The following TDRD5 variants were observed in gnomAD, a reference collection of about 807,000 sequenced individuals.
TDRD5 encodes the protein tudor domain-containing protein 5.
Under a neutral mutation model 120.6 loss-of-function variants are expected in TDRD5, and 41 were observed. The observed-to-expected ratio is 0.34, with a 90% CI of 0.26 to 0.44. The LOEUF (loss-of-function observed/expected upper bound fraction) is 0.44, where lower values mean the gene tolerates loss of function less well. TDRD5 is among the 20% of genes least tolerant of loss of function. The probability of loss-of-function intolerance (pLI) is 1.00; values close to 1 mark genes in which losing one functional copy is unlikely to be tolerated. For synonymous variants in TDRD5, 430 were observed against 433.7 expected (o/e 0.99, Z 0.11); for missense variants, 1,006 against 1,221.2 (o/e 0.82, Z 2.63).
rs1457207248 is a variant in TDRD5, at chr1:179,690,911, T to C, written c.3076T>C (p.Trp1026Arg). The C allele has an allele frequency of 2.4e-5, 39 of 1,613,228 alleles. No homozygotes were observed. The highest frequency in any genetic ancestry group is 3.1e-5 in the Non-Finnish European group (37 of 1,179,792). ...AGCTACATCCAGGAGCCTCCTACAC[T>C]GGTACCCCAGTGTGAAAAGGATGGA... The part of the protein sequence containing the change: ...RLATSRSLLH[W>R]YPSVKRMEA The change falls in exon 18 of 18, where the codon TGG (tryptophan) becomes CGG (arginine). Residue 1026 changes from tryptophan (W) to arginine (R), a missense_variant. Coordinates refer to ENST00000444136, the MANE Select transcript of TDRD5 (RefSeq NM_001199085.3).
chr1:179,676,195 T>C (rs1680137869), intron 17 of TDRD5, among the ~76,000 whole-genome samples: 2 of 152,232 alleles, frequency 1.3e-5, no homozygotes, highest in Admixed American at 6.5e-5. Flanking sequence ...GGTGTTCATT[T>C]GCATGGAATA....
intron 15 of TDRD5, among the ~76,000 whole-genome samples, chr1:179,662,839 A>G (rs1679384873): frequency 6.6e-6 from 1 of 152,168 alleles, no homozygotes; most frequent in Admixed American, 6.5e-5. Flanking sequence ...TTTTTGTTTT[A>G]TCATTGGCCC....
At chr1:179,686,596 G>C (rs760358842) in intron 17 of TDRD5, among the ~76,000 whole-genome samples, 3 of 152,182 alleles carry the variant, frequency 2.0e-5, no homozygotes, top group Non-Finnish European at 4.4e-5. Flanking sequence ...TCTATTGATT[G>C]AAATAGTTTC....
chr1:179,598,266 A>G (rs544270499), intron 4 of TDRD5, among the ~76,000 whole-genome samples: 6 of 152,358 alleles, frequency 3.9e-5, no homozygotes, highest in African/African-American at 1.4e-4. Flanking sequence ...GTTGACCATA[A>G]GTCATAATGC....
chr1:179,604,296 T>C (rs115761136), intron 4 of TDRD5, among the ~76,000 whole-genome samples: 1,579 of 152,258 alleles, frequency 0.01, 35 homozygotes, highest in African/African-American at 0.036. Context: ...TCTAATGGTC[T>C]ATTAATTTTA....
chr1:179,646,384 G>T (rs1216665122), intron 11 of TDRD5, among the ~76,000 whole-genome samples: 1 of 152,014 alleles, frequency 6.6e-6, no homozygotes, highest in African/African-American at 2.4e-5. Flanking sequence ...TGCAGAAAAG[G>T]CCTTTGACAA....
intron 6 of TDRD5, among the ~76,000 whole-genome samples, chr1:179,625,382 C>T (rs1195457481): frequency 6.6e-6 from 1 of 152,048 alleles, no homozygotes; most frequent in Admixed American, 6.6e-5. Flanking sequence ...AATAGGCAGA[C>T]CACAGACTGG....
intron 13 of TDRD5, among the ~76,000 whole-genome samples, chr1:179,653,690 GAGAA>G (rs1468300106): frequency 2.0e-5 from 3 of 152,116 alleles, no homozygotes; most frequent in Non-Finnish European, 2.9e-5. Flanking sequence ...TTCTGCAAAA[GAGAA>G]AGGGCTTAAA....
intron 11 of TDRD5, among the ~76,000 whole-genome samples, chr1:179,649,725 TTC>T (rs1442011051): frequency 6.6e-6 from 1 of 152,224 alleles, no homozygotes; most frequent in Admixed American, 6.5e-5. Flanking sequence ...GTTATATTGT[TTC>T]TGTTCTTTTT....
chr1:179,594,429 C>T (rs1217200689), intron 3 of TDRD5, among the ~76,000 whole-genome samples: 2 of 152,154 alleles, frequency 1.3e-5, no homozygotes, highest in Non-Finnish European at 2.9e-5. Flanking sequence ...GAGATCAAAG[C>T]TAAGGAAAAT....
At chr1:179,653,767 AC>A (rs1300133013) in intron 13 of TDRD5, among the ~76,000 whole-genome samples, 1 of 151,970 alleles carries the variant, frequency 6.6e-6, no homozygotes, top group Non-Finnish European at 1.5e-5. Flanking sequence ...CTACACACAC[AC>A]CTACACCTCT....
rs184370568 is a variant in TDRD5 at position 179,592,772 on chromosome 1, A to T, written c.157A>T (p.Thr53Ser). The part of the protein sequence containing the change: ...LPLRILGYRS[T>S]MELVLDMPDV... ...ACTCCGAATCCTTGGGTATCGGTCCACTATGGAGCTGGTATTGGACATGCC... is the reference window on the plus strand; with the variant it reads ...ACTCCGAATCCTTGGGTATCGGTCCTCTATGGAGCTGGTATTGGACATGCC... The change falls in exon 2 of 18, where the codon ACT becomes TCT. Residue 53 changes from threonine to serine, a missense_variant. Physicochemically the swap from Thr to Ser is moderately conservative, Grantham distance 58 (BLOSUM62 1). Coordinates refer to ENST00000444136, the MANE Select transcript of TDRD5 (RefSeq NM_001199085.3). 1 of 1,614,034 alleles carries T rather than the reference A, an allele frequency of 6.2e-7. No individual in the cohort carries two copies. Among genetic ancestry groups the T allele is most frequent in the Non-Finnish European group, 8.5e-7 (1 of 1,180,030 alleles).
intron 11 of TDRD5, among the ~76,000 whole-genome samples, chr1:179,650,246 C>A (rs560671684): frequency 6.6e-5 from 10 of 151,980 alleles, no homozygotes; most frequent in Non-Finnish European, 1.5e-4. Flanking sequence ...ACTAAAAATA[C>A]AGAAATCAGC....
chr1:179,641,478 T>C (rs1269264279), intron 11 of TDRD5, among the ~76,000 whole-genome samples: 4 of 150,940 alleles, frequency 2.7e-5, no homozygotes, highest in African/African-American at 9.8e-5. Flanking sequence ...TGCAGTGAGC[T>C]GAGATTGCGC....
intron 17 of TDRD5, among the ~76,000 whole-genome samples, chr1:179,673,089 G>T (rs1424441535): frequency 3.3e-5 from 5 of 151,932 alleles, no homozygotes; most frequent in Non-Finnish European, 1.5e-5. Flanking sequence ...GCTCTTTTTT[G>T]GTTCCATATG....
At chr1:179,677,632 T>G (rs1680206349) in intron 17 of TDRD5, among the ~76,000 whole-genome samples, 1 of 152,200 alleles carries the variant, frequency 6.6e-6, no homozygotes, top group African/African-American at 2.4e-5. Flanking sequence ...CTTCTGGGTT[T>G]AGCCAGTAAG....
chr1:179,601,870 A>G (rs776342353), intron 4 of TDRD5, among the ~76,000 whole-genome samples: 1 of 152,212 alleles, frequency 6.6e-6, no homozygotes, highest in African/African-American at 2.4e-5. Context: ...CAGTGGCACA[A>G]TCTTGGCTCA....
chr1:179,599,755 C>A (rs2101915647), intron 4 of TDRD5, among the ~76,000 whole-genome samples: 1 of 152,166 alleles, frequency 6.6e-6, no homozygotes, highest in Middle Eastern at 3.4e-3. Flanking sequence ...AGTCATGCAC[C>A]ACATAATGAC....
chr1:179,661,724 C>T (rs545885843), intron 14 of TDRD5, among the ~76,000 whole-genome samples: 2 of 152,156 alleles, frequency 1.3e-5, no homozygotes, highest in South Asian at 4.1e-4. Flanking sequence ...CCATTTTACC[C>T]CCTCAATTCC....
Sources: gnomAD v4.1 joint callset for allele counts (sites outside exome capture counted in the v4.1 genomes callset) on GRCh38, gnomAD v4.1.1 for gene constraint, MANE v1.5 for transcripts, NCBI Gene and HGNC (gene_info 2026-07-23, HGNC 2026-07-21) for gene names.